Variants in FAM221A observed in about 807,000 individuals in gnomAD.
FAM221A encodes the protein family with sequence similarity 221 member A.
Under a neutral mutation model 37.6 loss-of-function variants are expected in FAM221A, and 43 were observed. The observed-to-expected ratio is 1.15, with a 90% confidence interval of 0.90 to 1.48. The LOEUF (loss-of-function observed/expected upper bound fraction) is 1.48, where lower values mean the gene tolerates loss of function less well. Among genes scored for constraint, FAM221A ranks in the 40% most tolerant of loss-of-function variants. The pLI, the probability that FAM221A is intolerant of heterozygous loss-of-function variation, is 0.00. For missense variants in FAM221A, 361 were observed against 361.5 expected, an observed-to-expected ratio of 1.00 and a Z score of 0.01; for synonymous variants, 135 against 132.9, an observed-to-expected ratio of 1.02 and a Z score of -0.11.
Position 23,690,199 on chromosome 7 carries a change from A to ATATATATT in FAM221A, c.430+741_430+742insATATATTT, listed in dbSNP as rs774313037. Among the ~76,000 whole-genome samples, 137 of 48,716 alleles carry ATATATATT rather than the reference A, an allele frequency of 2.8e-3. 4 individuals carry two copies. Among genetic ancestry groups the ATATATATT allele is most frequent in the South Asian group, 7.3e-3 (6 of 826 alleles). The allele number at this position is 48,716 out of a possible 152,430, so 32.0% of individuals were successfully genotyped here. On this transcript the variant is annotated intron_variant, in intron 3 of 6. Coordinates refer to ENST00000344962, the MANE Select transcript of FAM221A (RefSeq NM_199136.5). ...TATATATATATATATATATATATATATTTTTTTTTTTTTTAATAGAGTTTT... is the reference window on the plus strand; with the variant it reads ...TATATATATATATATATATATATATATATATATTTTTTTTTTTTTTTTAATAGAGTTTT...
Position 23,680,260 on chromosome 7 carries a change from G to C in FAM221A, c.42G>C (p.Val14=), listed in dbSNP as rs1783944424. The C allele has an allele frequency of 2.6e-6, 4 of 1,548,844 alleles. No homozygotes were observed. The highest frequency in any genetic ancestry group is 3.5e-6 in the Non-Finnish European group (4 of 1,146,020). ...TGCCTCTCGGCGGCGCGGCGGCGGT[G>C]GACGAGTACCTGGAGTACCGGAGGT... ...LTLPLGGAAA[V]DEYLEYRRIV... is the part of the protein sequence containing the mutation. The change falls in exon 1 of 7, where the codon GTG becomes GTC. Residue 14 remains valine (V), a synonymous_variant. Transcript: ENST00000344962.
At chr7:23,698,383 T>C (rs1291030687) in intron 5 of FAM221A, 84 bp downstream of exon 5, 1 of 738,192 alleles carries the variant, frequency 1.4e-6, no homozygotes, top group Non-Finnish European at 2.3e-6. Flanking sequence ...CATCTCTCTT[T>C]TTTTCATTAT....
intron 4 of FAM221A, chr7:23,692,503 G>A (rs543430760): frequency 7.3e-5 from 17 of 233,678 alleles, no homozygotes; most frequent in African/African-American, 4.6e-5. Context: ...CACCACGCCC[G>A]GCTAATTTTG....
chr7:23,701,238 CT>C (rs1386533372), intron 6 of FAM221A, among the ~76,000 whole-genome samples: 11 of 52,312 alleles, frequency 2.1e-4, no homozygotes, highest in South Asian at 7.4e-4. Context: ...TTTGAATTCT[CT>C]TTTTTTTTTT....
At chr7:23,696,481 C>T (rs545197726) in intron 4 of FAM221A, among the ~76,000 whole-genome samples, 5 of 152,262 alleles carry the variant, frequency 3.3e-5, no homozygotes, top group African/African-American at 1.2e-4. Flanking sequence ...AGAGGATCAC[C>T]TGAGCTTTGG....
At chr7:23,686,546 G>T in intron 2 of FAM221A, 1 of 230,388 alleles carries the variant, frequency 4.3e-6, no homozygotes, top group Admixed American at 5.4e-5. Context: ...GATTACACGT[G>T]TGCGCCACCA....
chr7:23,702,714 T>G (rs1785536672), downstream of FAM221A: 1 of 152,388 alleles, frequency 6.6e-6, no homozygotes, highest in South Asian at 2.1e-4. Context: ...TCTACTGATT[T>G]TTACGTTGTG....
rs1209507849 is a variant in FAM221A at position 23,700,866 on chromosome 7, A to G, written c.826A>G (p.Arg276Gly). Reference sequence around the variant, plus strand: ...TTTCTTTGAAAGACGATACCAGGAAAGGGTAGGTTTTTGAGGAAATTCAGT... The same window carrying G: ...TTTCTTTGAAAGACGATACCAGGAAGGGGTAGGTTTTTGAGGAAATTCAGT... Reference protein sequence around the residue: ...MAFFERRYQERMKMEKAAKWK... With the variant: ...MAFFERRYQEGMKMEKAAKWK... Residue 276 changes from arginine (R) to glycine (G), a missense_variant and splice_region_variant, in exon 6 of 7, where the codon AGG becomes GGG. Transcript: ENST00000344962. 1.4e-5 allele frequency: 22 copies of G among 1,604,192 alleles called. No homozygotes were observed. Among genetic ancestry groups the G allele is most frequent in the Non-Finnish European group, 1.9e-5 (22 of 1,175,764 alleles).
chr7:23,699,535 CTTTTTTTT>C (rs57930152), intron 5 of FAM221A, among the ~76,000 whole-genome samples: 5 of 64,196 alleles, frequency 7.8e-5, no homozygotes, highest in East Asian at 5.8e-4. Flanking sequence ...TCACCTTTTC[CTTTTTTTT>C]TTTTTTTTTT....
intron 6 of FAM221A, among the ~76,000 whole-genome samples, chr7:23,701,466 C>T (rs1004078868): frequency 2.0e-5 from 3 of 152,020 alleles, no homozygotes; most frequent in East Asian, 3.9e-4. Flanking sequence ...GTCTGGATCT[C>T]CTGACCTCGT....
At chr7:23,683,449 T>C (rs188790022) in intron 1 of FAM221A, among the ~76,000 whole-genome samples, 11 of 152,318 alleles carry the variant, frequency 7.2e-5, no homozygotes, top group Non-Finnish European at 1.5e-4. Context: ...AAATTAGTCA[T>C]GTTGGCTTCT....
intron 3 of FAM221A, among the ~76,000 whole-genome samples, chr7:23,690,623 C>T (rs1268361218): frequency 6.6e-6 from 1 of 152,144 alleles, no homozygotes; most frequent in East Asian, 1.9e-4. Flanking sequence ...AGATGCAATT[C>T]ACATGTCATA....
At chr7:23,691,671 TG>T (rs1784762031) in intron 4 of FAM221A, 75 bp downstream of exon 4, 1 of 1,235,074 alleles carries the variant, frequency 8.1e-7, no homozygotes, top group Non-Finnish European at 1.2e-6. Flanking sequence ...GCCTTATATT[TG>T]TTAAGCAATT....
chr7:23,701,236 C>CTTTTTTTTTTTT lies in FAM221A; in HGVS notation c.828+369_828+370insTTTTTTTTTTTT, dbSNP rs1283939718. ...ATAAAGATTGAATATATTTTGAATT[C>CTTTTTTTTTTTT]TCTTTTTTTTTTTTTTTTTTTGAGA... On this transcript the variant is annotated intron_variant, in intron 6 of 6. Coordinates refer to ENST00000344962, the MANE Select transcript of FAM221A (RefSeq NM_199136.5). Among the ~76,000 whole-genome samples the CTTTTTTTTTTTT allele has an allele frequency of 2.7e-5, 2 of 72,746 alleles. 1 individual carries two copies. The highest frequency in any genetic ancestry group is 9.0e-5 in the African/African-American group (2 of 22,186). 47.7% of individuals were successfully genotyped at this position (72,746 alleles called of 152,430 possible). A position where few individuals can be genotyped will look rare whatever the true frequency, so the allele number is the denominator to read the frequency against.
At chr7:23,681,605 A>G (rs1424048535) in intron 1 of FAM221A, among the ~76,000 whole-genome samples, 1 of 152,042 alleles carries the variant, frequency 6.6e-6, no homozygotes, top group East Asian at 1.9e-4. Flanking sequence ...ACGGGATTTC[A>G]CCACGTTGCC....
At chr7:23,684,412 T>C in intron 1 of FAM221A, 87 bp from the exon 2 acceptor site, 1 of 755,188 alleles carries the variant, frequency 1.3e-6, no homozygotes, top group Non-Finnish European at 2.0e-6. Context: ...AGCTTACAAA[T>C]TTATTTAATA....
chr7:23,691,890 T>C (rs971918769), intron 4 of FAM221A, among the ~76,000 whole-genome samples: 2 of 152,188 alleles, frequency 1.3e-5, no homozygotes, highest in African/African-American at 4.8e-5. Flanking sequence ...TGTACTCAAA[T>C]TTGAATCTGC....
chr7:23,691,364 T>G lies in FAM221A; in HGVS notation c.431-26T>G, dbSNP rs7782183. On this transcript the variant is annotated intron_variant, in intron 3 of 6. Transcript: ENST00000344962. ...TAGACAACATAGTACCTTTAAGAATTTAACTCCCTTTACATCTTGATTCAG... is the reference window on the plus strand; with the variant it reads ...TAGACAACATAGTACCTTTAAGAATGTAACTCCCTTTACATCTTGATTCAG... 111,397 of 1,610,652 alleles carry G rather than the reference T, an allele frequency of 0.069. 4,675 individuals carry two copies. The highest frequency in any genetic ancestry group is 0.18 in the African/African-American group (13,243 of 74,878).
intron 2 of FAM221A, among the ~76,000 whole-genome samples, chr7:23,685,645 G>A (rs1392312852): frequency 2.0e-5 from 3 of 152,184 alleles, no homozygotes; most frequent in African/African-American, 4.8e-5. Flanking sequence ...AGGATCTGCT[G>A]TGTCGATACC....
Sources: gnomAD v4.1 joint callset for allele counts (sites outside exome capture counted in the v4.1 genomes callset) on GRCh38, gnomAD v4.1.1 for gene constraint, MANE v1.5 for transcripts, NCBI Gene and HGNC (gene_info 2026-07-23, HGNC 2026-07-21) for gene names.